MYO5A: variants seen among roughly 807,000 people sequenced by gnomAD.
MYO5A encodes the protein myosin VA.
A neutral mutation model predicts 249.7 loss-of-function variants in MYO5A; 98 were observed. The ratio of observed to expected loss-of-function variants is 0.39; its 90% confidence interval spans 0.33 to 0.46. The LOEUF (loss-of-function observed/expected upper bound fraction) is 0.46, where lower values mean the gene tolerates loss of function less well. Ranked by LOEUF, MYO5A falls within the 20% of genes least tolerant of loss-of-function variation. The pLI, the probability that MYO5A is intolerant of heterozygous loss-of-function variation, is 0.98. For synonymous variants in MYO5A, 778 were observed against 810.6 expected (o/e 0.96, Z 0.68); for missense variants, 1,696 against 2,308.8 (o/e 0.73, Z 5.44).
rs1319935657 is a variant in MYO5A at position 52,528,837 on chromosome 15, T to C, written c.-31A>G. 3.4e-6 allele frequency: 5 copies of C among 1,467,372 alleles called. No individual in the cohort carries two copies. The highest frequency in any genetic ancestry group is 3.6e-6 in the Non-Finnish European group (4 of 1,114,016). The allele number at this position is 1,467,372 out of a possible 1,614,324, so 90.9% of individuals were successfully genotyped here. ...GCCCCGCGCGCCTACGCCCCCCGCC[T>C]GTGCGGAGGCCGCACCTCGCCTGGG... On this transcript the variant is annotated 5_prime_UTR_variant, in exon 1 of 42. Coordinates refer to ENST00000399233, the MANE Select transcript of MYO5A (RefSeq NM_001382347.1).
chr15:52,399,511 A>G (rs564491683), intron 9 of MYO5A, among the ~76,000 whole-genome samples: 1 of 152,188 alleles, frequency 6.6e-6, no homozygotes, highest in African/African-American at 2.4e-5. Context: ...TTTTGGCCTC[A>G]AAGTCTATTT....
At chr15:52,328,120 G>C in intron 35 of MYO5A, 114 bp from the exon 36 acceptor site, 1 of 863,326 alleles carries the variant, frequency 1.2e-6, no homozygotes, top group Non-Finnish European at 1.8e-6. Context: ...AAGGTAAGTA[G>C]GTAATATAAA....
intron 3 of MYO5A, among the ~76,000 whole-genome samples, chr15:52,426,998 A>G (rs1234147378): frequency 6.6e-6 from 1 of 152,104 alleles, no homozygotes; most frequent in Non-Finnish European, 1.5e-5. Flanking sequence ...GAAGGATATT[A>G]AATGTCATAG....
chr15:52,410,414 C>A lies in MYO5A; in HGVS notation c.675G>T (p.Glu225Asp). The part of the protein sequence containing the change: ...DNSSRFGKYI[E>D]IGFDKRYRII... ...TTCGATATCTCTTATCAAAACCAAT[C>A]TCAATATACTTCCCAAAACGGCTGC... The change falls in exon 6 of 42, where the codon GAG becomes GAT. Residue 225 changes from glutamate (E) to aspartate (D), a missense_variant. Transcript: ENST00000399233. 1 of 1,613,478 alleles carries A rather than the reference C, an allele frequency of 6.2e-7. No homozygotes were observed. Among genetic ancestry groups the A allele is most frequent in the East Asian group, 2.2e-5 (1 of 44,858 alleles).
At chr15:52,340,173 G>T in intron 32 of MYO5A, 23 bp downstream of exon 32, 1 of 1,613,618 alleles carries the variant, frequency 6.2e-7, no homozygotes, top group Non-Finnish European at 8.5e-7. Flanking sequence ...TAAGAAGCAT[G>T]TGGACCCGGC....
At chr15:52,472,864 T>G (rs2076506100) in intron 1 of MYO5A, among the ~76,000 whole-genome samples, 1 of 152,248 alleles carries the variant, frequency 6.6e-6, no homozygotes, top group Non-Finnish European at 1.5e-5. Context: ...CGTGTACATG[T>G]GTCTTTATAG....
At chr15:52,491,330 T>C (rs1480378081) in intron 1 of MYO5A, among the ~76,000 whole-genome samples, 1 of 152,216 alleles carries the variant, frequency 6.6e-6, no homozygotes, top group African/African-American at 2.4e-5. Context: ...AGGATTTCAT[T>C]GCATAGAAAA....
intron 1 of MYO5A, among the ~76,000 whole-genome samples, chr15:52,449,061 C>T (rs186425055): frequency 1.4e-5 from 2 of 147,634 alleles, no homozygotes; most frequent in Non-Finnish European, 3.0e-5. Context: ...CTCTGTCTCC[C>T]GGGTTCAAGC....
intron 40 of MYO5A, among the ~76,000 whole-genome samples, chr15:52,314,609 C>G (rs1205943679): frequency 6.6e-6 from 1 of 152,164 alleles, no homozygotes; most frequent in Non-Finnish European, 1.5e-5. Flanking sequence ...TCTATTAATA[C>G]TATTCTGCAA....
At chr15:52,340,950 C>T (rs2039353735) in intron 31 of MYO5A, among the ~76,000 whole-genome samples, 2 of 128,866 alleles carry the variant, frequency 1.6e-5, no homozygotes, top group Admixed American at 1.5e-4. Flanking sequence ...AAAACTTCGT[C>T]TCAAAAAAAA....
chr15:52,376,230 C>T (rs1199346051), intron 19 of MYO5A, 117 bp downstream of exon 19: 17 of 909,892 alleles, frequency 1.9e-5, no homozygotes, highest in Non-Finnish European at 2.8e-5. Context: ...AATTTGTTGT[C>T]CCTTGGAACT....
intron 1 of MYO5A, among the ~76,000 whole-genome samples, chr15:52,451,772 T>A (rs2076025205): frequency 6.6e-6 from 1 of 152,216 alleles, no homozygotes; most frequent in Admixed American, 6.5e-5. Flanking sequence ...ATCCTTCACA[T>A]CTTAAGTTTT....
chr15:52,498,499 T>A (rs981497292), intron 1 of MYO5A, among the ~76,000 whole-genome samples: 4 of 152,166 alleles, frequency 2.6e-5, no homozygotes, highest in African/African-American at 9.7e-5. Context: ...TAAAAAATAT[T>A]TATTAATTTG....
intron 35 of MYO5A, chr15:52,328,966 T>C (rs1350440486): frequency 6.6e-6 from 1 of 152,210 alleles, no homozygotes; most frequent in Admixed American, 6.5e-5. Context: ...TACCAAAGAG[T>C]GTTTCCTGAC....
Position 52,407,265 on chromosome 15 carries a change from A to C in MYO5A, c.946+27T>G, listed in dbSNP as rs759706580. ...CTTGAGTAAAAAAGCTATTCCTCTTAAGAGCTCAAGAATAAAGTGACATTA... is the reference window on the plus strand; with the variant it reads ...CTTGAGTAAAAAAGCTATTCCTCTTCAGAGCTCAAGAATAAAGTGACATTA... On this transcript the variant is annotated intron_variant, in intron 8 of 41. Transcript: ENST00000399233. 10 of 1,509,314 alleles carry C rather than the reference A, an allele frequency of 6.6e-6. No homozygotes were observed. In the South Asian group the frequency reaches 9.0e-5, roughly 14 times the overall value. The allele number at this position is 1,509,314 out of a possible 1,614,324, so 93.5% of individuals were successfully genotyped here. A position where few individuals can be genotyped will look rare whatever the true frequency, so the allele number is the denominator to read the frequency against.
chr15:52,431,575 A>G (rs1298217036), intron 2 of MYO5A, among the ~76,000 whole-genome samples: 3 of 151,960 alleles, frequency 2.0e-5, no homozygotes, highest in Non-Finnish European at 2.9e-5. Context: ...GAGCACACCT[A>G]GTGCTCAGAT....
At position 52,383,329 on chromosome 15, in the gene MYO5A, G is replaced by A. The variant is rs1162061827; in HGVS notation, c.1915-141C>T. 3 of 727,502 alleles carry A rather than the reference G, an allele frequency of 4.1e-6. No individual in the cohort carries two copies. In the East Asian group the frequency reaches 8.0e-5, roughly 19 times the overall value. 45.1% of individuals were successfully genotyped at this position (727,502 alleles called of 1,614,324 possible). On this transcript the variant is annotated intron_variant, in intron 15 of 41. Coordinates refer to ENST00000399233, the MANE Select transcript of MYO5A (RefSeq NM_001382347.1). ...AACTTGACCCATCTTCAGAAGAGGA[G>A]CTGCCACAAAACAAGAATGCTAGGG... is the stretch of plus-strand genomic sequence containing the variant.
chr15:52,453,408 G>T (rs965083263), intron 1 of MYO5A, among the ~76,000 whole-genome samples: 1 of 151,770 alleles, frequency 6.6e-6, no homozygotes, highest in African/African-American at 2.4e-5. Flanking sequence ...ACCACCACCA[G>T]ACCTGTCTTA....
At chr15:52,369,536 T>C (rs1248330779) in intron 22 of MYO5A, among the ~76,000 whole-genome samples, 1 of 152,154 alleles carries the variant, frequency 6.6e-6, no homozygotes, top group Admixed American at 6.5e-5. Flanking sequence ...GTGGGGAGGG[T>C]TCCATCTGCG....
Sources: allele counts gnomAD v4.1 joint callset (sites outside exome capture counted in the v4.1 genomes callset), GRCh38; gene constraint gnomAD v4.1.1; transcripts MANE v1.5; gene names NCBI Gene and HGNC (gene_info 2026-07-23, HGNC 2026-07-21).